NEDD4L: variants seen among roughly 807,000 people sequenced by gnomAD.
NEDD4L encodes NEDD4 like E3 ubiquitin protein ligase, also known as E3 ubiquitin-protein ligase NEDD4-like.
In NEDD4L, 54 loss-of-function variants were observed where a neutral mutation model predicts 148.9. That is an observed-to-expected ratio of 0.36 (90% confidence interval 0.29 to 0.45). The LOEUF is 0.45. Among genes scored for constraint, NEDD4L ranks in the 20% least tolerant of loss-of-function variants. The pLI, the probability that NEDD4L is intolerant of heterozygous loss-of-function variation, is 1.00. For synonymous variants in NEDD4L, 433 were observed against 440.7 expected (o/e 0.98, Z 0.22); for missense variants, 856 against 1,233.8 (o/e 0.69, Z 4.59).
At chr18:58,124,970 A>G (rs1361608598) in intron 1 of NEDD4L, among the ~76,000 whole-genome samples, 1 of 152,176 alleles carries the variant, frequency 6.6e-6, no homozygotes, top group African/African-American at 2.4e-5. Context: ...TGGTCCAATC[A>G]TAGCTCACTG....
chr18:58,264,902 T>G (rs1158854794), intron 5 of NEDD4L, among the ~76,000 whole-genome samples: 2 of 152,114 alleles, frequency 1.3e-5, no homozygotes, highest in Non-Finnish European at 2.9e-5. Context: ...TCACTGCACG[T>G]GAAGCCCTAT....
intron 2 of NEDD4L, among the ~76,000 whole-genome samples, chr18:58,180,000 A>G (rs1328194892): frequency 2.6e-5 from 4 of 152,200 alleles, no homozygotes; most frequent in African/African-American, 9.7e-5. Flanking sequence ...CCGTTGGTGT[A>G]GAGGACTCCT....
At chr18:58,172,822 G>A (rs1473417449) in intron 2 of NEDD4L, among the ~76,000 whole-genome samples, 1 of 152,172 alleles carries the variant, frequency 6.6e-6, no homozygotes, top group African/African-American at 2.4e-5. Context: ...GACCTATTAA[G>A]TTCAGATTTA....
At position 58,116,712 on chromosome 18, in the gene NEDD4L, C is replaced by T. The variant is rs548793747; in HGVS notation, c.49-49076C>T. Among the ~76,000 whole-genome samples the T allele has an allele frequency of 1.5e-4, 23 of 152,310 alleles. No homozygotes were observed. The South Asian group carries it at 4.4e-3, about 29-fold the overall frequency. ...ACATAGAGGAATGTGGCTTCTATGT[C>T]CAGGCCAGTGGGCTTCCTAACACAG... On this transcript the variant is annotated intron_variant, in intron 1 of 30. Coordinates refer to ENST00000400345, the MANE Select transcript of NEDD4L (RefSeq NM_001144967.3).
chr18:58,230,807 G>A (rs2148122830), intron 2 of NEDD4L, among the ~76,000 whole-genome samples: 1 of 152,266 alleles, frequency 6.6e-6, no homozygotes, highest in Admixed American at 6.5e-5. Context: ...CATAGTGTGT[G>A]TTAAGAAGTC....
chr18:58,080,128 T>G (rs1481909937), intron 1 of NEDD4L, among the ~76,000 whole-genome samples: 1 of 152,168 alleles, frequency 6.6e-6, no homozygotes, highest in African/African-American at 2.4e-5. Flanking sequence ...TCTCACTGTC[T>G]TGCCCAGGCT....
At chr18:58,211,975 C>T (rs781530722) in intron 2 of NEDD4L, among the ~76,000 whole-genome samples, 5 of 152,160 alleles carry the variant, frequency 3.3e-5, no homozygotes, top group African/African-American at 4.8e-5. Context: ...TAATAAGTCC[C>T]GGAATCTTCA....
At chr18:58,112,522 T>C (rs1249086890) in intron 1 of NEDD4L, among the ~76,000 whole-genome samples, 2 of 152,112 alleles carry the variant, frequency 1.3e-5, no homozygotes, top group African/African-American at 4.8e-5. Flanking sequence ...AGAGTCTCAC[T>C]CTGATGCCTA....
chr18:58,197,064 TG>T (rs1474094990), intron 2 of NEDD4L, among the ~76,000 whole-genome samples: 1 of 152,204 alleles, frequency 6.6e-6, no homozygotes, highest in Non-Finnish European at 1.5e-5. Context: ...GTTTGCTTGA[TG>T]GCGACTTCTC....
At chr18:58,059,875 A>G (rs373909831) in intron 1 of NEDD4L, among the ~76,000 whole-genome samples, 1 of 152,196 alleles carries the variant, frequency 6.6e-6, no homozygotes, top group East Asian at 1.9e-4. Context: ...CATGTACATG[A>G]CAAACAGATA....
chr18:58,229,279 G>T (rs908979828), intron 2 of NEDD4L, among the ~76,000 whole-genome samples: 1 of 152,202 alleles, frequency 6.6e-6, no homozygotes, highest in Non-Finnish European at 1.5e-5. Flanking sequence ...GATGGCACAT[G>T]TCTGGTTAGG....
intron 1 of NEDD4L, among the ~76,000 whole-genome samples, chr18:58,149,075 G>A (rs1192522990): frequency 6.6e-6 from 1 of 152,230 alleles, no homozygotes; most frequent in Non-Finnish European, 1.5e-5. Context: ...TAAACTGAAA[G>A]TGGCAGAGAG....
intron 1 of NEDD4L, chr18:58,045,310 G>T: frequency 2.5e-6 from 1 of 396,016 alleles, no homozygotes; most frequent in Non-Finnish European, 4.4e-6. Flanking sequence ...GGTGGGGGAG[G>T]TGTTCAAGGC....
chr18:58,124,019 G>A (rs1400912145), intron 1 of NEDD4L, among the ~76,000 whole-genome samples: 3 of 152,176 alleles, frequency 2.0e-5, no homozygotes, highest in Non-Finnish European at 2.9e-5. Flanking sequence ...GTCCTTACCA[G>A]TGCCACGTCC....
intron 16 of NEDD4L, among the ~76,000 whole-genome samples, chr18:58,343,976 C>T (rs1200394462): frequency 6.6e-6 from 1 of 152,172 alleles, no homozygotes; most frequent in African/African-American, 2.4e-5. Context: ...GTTATGTCCC[C>T]ATCGAATTGT....
At chr18:58,058,432 A>AAG (rs879430364) in intron 1 of NEDD4L, among the ~76,000 whole-genome samples, 122,424 of 151,634 alleles carry the variant, frequency 0.81, 49,972 homozygotes, top group East Asian at 1. Context: ...GAACTCTTTC[A>AAG]TCTTGCAAAA....
At chr18:58,185,132 A>G (rs2039325844) in intron 2 of NEDD4L, among the ~76,000 whole-genome samples, 1 of 152,180 alleles carries the variant, frequency 6.6e-6, no homozygotes, top group African/African-American at 2.4e-5. Context: ...GTGCAGCTGA[A>G]CAGTGGGCAC....
At chr18:58,229,622 A>T (rs1250383562) in intron 2 of NEDD4L, among the ~76,000 whole-genome samples, 1 of 152,200 alleles carries the variant, frequency 6.6e-6, no homozygotes, top group Non-Finnish European at 1.5e-5. Context: ...AATCCTTGTT[A>T]TTGAGAGCTG....
In NEDD4L at chr18:58,256,028, G is replaced by A. The variant is rs2048489119; in HGVS notation, c.297+3974G>A. The A allele has an allele frequency of 1.6e-6, 2 of 1,229,998 alleles. No homozygotes were observed. Among genetic ancestry groups the A allele is most frequent in the Non-Finnish European group, 2.0e-6 (2 of 986,844 alleles). 76.2% of individuals were successfully genotyped at this position (1,229,998 alleles called of 1,614,324 possible). A position where few individuals can be genotyped will look rare whatever the true frequency, so the allele number is the denominator to read the frequency against. Reference sequence around the variant, plus strand: ...GCCCGACCCCAGGGACCAGGCCTCCGCCACTGCCACCACGAGGGCCTCGCC... The same window carrying A: ...GCCCGACCCCAGGGACCAGGCCTCCACCACTGCCACCACGAGGGCCTCGCC... On this transcript the variant is annotated intron_variant, in intron 5 of 30. Transcript: ENST00000400345. The surrounding 1 kb of genome is among the most constrained non-coding windows in gnomAD (Gnocchi z 5.2).
Sources: allele counts gnomAD v4.1 joint callset (sites outside exome capture counted in the v4.1 genomes callset), GRCh38; gene constraint gnomAD v4.1.1; non-coding constraint Gnocchi (gnomAD v3.1); transcripts MANE v1.5; gene names NCBI Gene and HGNC (gene_info 2026-07-23, HGNC 2026-07-21).